TRAPPC12: variants seen among roughly 807,000 people sequenced by gnomAD.
The protein encoded by TRAPPC12 is trafficking protein particle complex subunit 12.
Under a neutral mutation model 69.2 loss-of-function variants are expected in TRAPPC12, and 61 were observed. The ratio of observed to expected loss-of-function variants is 0.88; its 90% CI spans 0.72 to 1.09. TRAPPC12 has a LOEUF of 1.09. Among genes scored for constraint, TRAPPC12 ranks in the 50% least tolerant of loss-of-function variants. The probability of loss-of-function intolerance (pLI) is 0.00; values close to 1 mark genes in which losing one functional copy is unlikely to be tolerated. For missense variants in TRAPPC12, 1,101 were observed against 1,016.4 expected (o/e 1.08, Z -1.13); for synonymous variants, 469 against 438.9 (o/e 1.07, Z -0.86).
chr2:3,395,488 G>C (rs1457161326), intron 2 of TRAPPC12, among the ~76,000 whole-genome samples: 1 of 150,284 alleles, frequency 6.7e-6, no homozygotes, highest in African/African-American at 2.4e-5. Context: ...TTGAAGGGCA[G>C]AAATTTTAAT....
At chr2:3,382,663 G>T (rs576928998) in intron 1 of TRAPPC12, among the ~76,000 whole-genome samples, 5 of 152,276 alleles carry the variant, frequency 3.3e-5, no homozygotes, top group African/African-American at 7.2e-5. Context: ...CGTGGCTCAC[G>T]CCTGTAATCT....
intron 3 of TRAPPC12, among the ~76,000 whole-genome samples, chr2:3,409,609 A>T (rs1661927542): frequency 6.6e-6 from 1 of 151,868 alleles, no homozygotes; most frequent in African/African-American, 2.4e-5. Context: ...AATTAGCCTG[A>T]TGTGGTGGCA....
intron 6 of TRAPPC12, among the ~76,000 whole-genome samples, chr2:3,451,763 G>C (rs1038352256): frequency 9.9e-5 from 15 of 152,090 alleles, no homozygotes; most frequent in African/African-American, 3.6e-4. Flanking sequence ...GACTCAAGCA[G>C]TTCTCCCACC....
chr2:3,463,594 C>G (rs1303552320), intron 8 of TRAPPC12, among the ~76,000 whole-genome samples: 1 of 150,530 alleles, frequency 6.6e-6, no homozygotes, highest in Non-Finnish European at 1.5e-5. Context: ...AAACACTGAC[C>G]CCTGGCCCTG....
chr2:3,398,326 G>T lies in TRAPPC12; in HGVS notation c.1048-3451G>T, dbSNP rs562765793. 1.3e-5 allele frequency among the ~76,000 whole-genome samples: 2 copies of T among 152,286 alleles called. 1 individual carries two copies. Among genetic ancestry groups the T allele is most frequent in the East Asian group, 3.9e-4 (2 of 5,172 alleles). ...TATTCCATGTTGACTCCCCACCAATGATGTGGTGTGTGAGGGTTCCAGTTG... is the reference window on the plus strand; with the variant it reads ...TATTCCATGTTGACTCCCCACCAATTATGTGGTGTGTGAGGGTTCCAGTTG... On this transcript the variant is annotated intron_variant, in intron 2 of 11. Coordinates refer to ENST00000324266, the MANE Select transcript of TRAPPC12 (RefSeq NM_016030.6).
chr2:3,445,463 G>A (rs944162660), intron 6 of TRAPPC12, among the ~76,000 whole-genome samples: 3 of 152,226 alleles, frequency 2.0e-5, no homozygotes, highest in African/African-American at 7.2e-5. Flanking sequence ...AGCAGGGACG[G>A]TGGAGCAGAG....
intron 2 of TRAPPC12, among the ~76,000 whole-genome samples, chr2:3,394,841 C>T (rs1056645191): frequency 1.3e-5 from 2 of 152,028 alleles, no homozygotes; most frequent in South Asian, 2.1e-4. Flanking sequence ...TGTTATAAAT[C>T]GTAGGGGAGT....
Position 3,388,133 on chromosome 2 carries a change from C to T in TRAPPC12, c.510C>T (p.Ala170=), listed in dbSNP as rs1393909339. Residue 170 remains alanine (A), a synonymous_variant, in exon 2 of 12, where the codon GCC becomes GCT. Coordinates refer to ENST00000324266, the MANE Select transcript of TRAPPC12 (RefSeq NM_016030.6). ...CTIFSQRAPP[A]SGDGFEPQMV... ...TCTTCAGCCAGCGCGCGCCCCCAGC[C>T]TCCGGGGACGGCTTCGAGCCGCAGA... The T allele has an allele frequency of 5.0e-6, 8 of 1,594,446 alleles. No individual in the cohort carries two copies. The highest frequency in any genetic ancestry group is 4.1e-5 in the African/African-American group (3 of 74,026).
chr2:3,438,723 G>GAA (rs1664030770), intron 5 of TRAPPC12, among the ~76,000 whole-genome samples: 2 of 152,080 alleles, frequency 1.3e-5, no homozygotes, highest in Non-Finnish European at 2.9e-5. Flanking sequence ...GTTCACTTAG[G>GAA]AATGTGCATT....
intron 6 of TRAPPC12, among the ~76,000 whole-genome samples, chr2:3,451,322 G>A (rs1484559646): frequency 6.6e-6 from 1 of 152,194 alleles, no homozygotes; most frequent in Non-Finnish European, 1.5e-5. Flanking sequence ...GGTGGGGCTG[G>A]CAGCAGCCCC....
In TRAPPC12 at chr2:3,383,871, G is replaced by GTTTTTTTTTTTTTT. The variant is rs34956958; in HGVS notation, c.-4-3721_-4-3708dup. On this transcript the variant is annotated intron_variant, in intron 1 of 11. Coordinates refer to ENST00000324266, the MANE Select transcript of TRAPPC12 (RefSeq NM_016030.6). Reference sequence around the variant, plus strand: ...TATTCCCTTGTGATAGTTCAGTCTTGTTTTTTTTTTTTTTTTTTTTTTTTT... The same window carrying GTTTTTTTTTTTTTT: ...TATTCCCTTGTGATAGTTCAGTCTTGTTTTTTTTTTTTTTTTTTTTTTTTTTTTTTTTTTTTTTT... Among the ~76,000 whole-genome samples, 33 of 85,584 alleles carry GTTTTTTTTTTTTTT rather than the reference G, an allele frequency of 3.9e-4. 2 individuals are homozygous for GTTTTTTTTTTTTTT. The highest frequency in any genetic ancestry group is 7.0e-4 in the Non-Finnish European group (30 of 42,902). 56.1% of individuals were successfully genotyped at this position (85,584 alleles called of 152,430 possible). A position where few individuals can be genotyped will look rare whatever the true frequency, so the allele number is the denominator to read the frequency against.
intron 3 of TRAPPC12, among the ~76,000 whole-genome samples, chr2:3,419,274 T>C (rs1662633792): frequency 6.6e-6 from 1 of 152,160 alleles, no homozygotes; most frequent in Non-Finnish European, 1.5e-5. Flanking sequence ...GATGCATATA[T>C]AGAACTGGTT....
At position 3,388,035 on chromosome 2, in the gene TRAPPC12, G is replaced by C. The variant is rs538695299; in HGVS notation, c.412G>C (p.Glu138Gln). The change falls in exon 2 of 12, where the codon GAG (glutamate) becomes CAG (glutamine). Residue 138 changes from glutamate to glutamine, a missense_variant. By Grantham distance (29) the Glu-to-Gln change is conservative (BLOSUM62 2). Coordinates refer to ENST00000324266, the MANE Select transcript of TRAPPC12 (RefSeq NM_016030.6). ...GGCCCCGAGGCAGGACGCGGCCCGC[G>C]AGGTCCCAGGCAGCGAAGCCGCGCG... ...GGAPRQDAAR[E>Q]VPGSEAARPE... 6.7e-7 allele frequency: 1 copy of C among 1,483,772 alleles called. No homozygotes were observed. Among genetic ancestry groups the C allele is most frequent in the Admixed American group, 2.3e-5 (1 of 42,948 alleles). The allele number at this position is 1,483,772 out of a possible 1,614,324, so 91.9% of individuals were successfully genotyped here. A position where few individuals can be genotyped will look rare whatever the true frequency, so the allele number is the denominator to read the frequency against.
intron 3 of TRAPPC12, among the ~76,000 whole-genome samples, chr2:3,412,101 T>C (rs1662096852): frequency 6.6e-6 from 1 of 152,252 alleles, no homozygotes; most frequent in South Asian, 2.1e-4. Context: ...GCTATGAATT[T>C]ACTGTCTGTT....
chr2:3,396,395 T>C (rs1661135575), intron 2 of TRAPPC12, among the ~76,000 whole-genome samples: 1 of 152,202 alleles, frequency 6.6e-6, no homozygotes, highest in African/African-American at 2.4e-5. Context: ...TTATCCCTGG[T>C]TTTTCAGCAG....
Position 3,388,541 on chromosome 2 carries a change from G to A in TRAPPC12, c.918G>A (p.Arg306=), listed in dbSNP as rs756028186. ...TALSMSEMDR[R]NDAWLPGEAT... ...TGAGCATGAGCGAGATGGACCGGAG[G>A]AACGACGCCTGGCTTCCCGGCGAGG... The change falls in exon 2 of 12, where the codon AGG becomes AGA. Residue 306 remains arginine, a synonymous_variant. Coordinates refer to ENST00000324266, the MANE Select transcript of TRAPPC12 (RefSeq NM_016030.6). 1 of 1,613,130 alleles carries A rather than the reference G, an allele frequency of 6.2e-7. No individual in the cohort carries two copies. Among genetic ancestry groups the A allele is most frequent in the South Asian group, 1.1e-5 (1 of 91,040 alleles).
intron 9 of TRAPPC12, among the ~76,000 whole-genome samples, chr2:3,469,302 A>G (rs978439663): frequency 1.3e-5 from 2 of 152,234 alleles, no homozygotes; most frequent in Non-Finnish European, 2.9e-5. Context: ...GAAGTATCAC[A>G]TGCACTGTCA....
chr2:3,470,550 A>G (rs756725719), intron 9 of TRAPPC12, among the ~76,000 whole-genome samples: 4 of 152,274 alleles, frequency 2.6e-5, no homozygotes, highest in Non-Finnish European at 5.9e-5. Context: ...TCGCCAAATC[A>G]GTAACACAGA....
Position 3,414,659 on chromosome 2 carries a change from C to T in TRAPPC12, c.1165-7222C>T, listed in dbSNP as rs1662245889. 6.6e-6 allele frequency among the ~76,000 whole-genome samples: 1 copy of T among 152,142 alleles called. No individual in the cohort carries two copies. The highest frequency in any genetic ancestry group is 6.5e-5 in the Admixed American group (1 of 15,276). On this transcript the variant is annotated intron_variant, in intron 3 of 11. Transcript: ENST00000324266. This position sits in a 1 kb window ranked among gnomAD's most constrained non-coding sequence, Gnocchi z 4.9. ...CAGAGCTGTGTGCCAGCAGTGTCCTCACAGAGCTGTCAAGCGTGTCCATGC... is the reference window on the plus strand; with the variant it reads ...CAGAGCTGTGTGCCAGCAGTGTCCTTACAGAGCTGTCAAGCGTGTCCATGC...
Sources: allele counts gnomAD v4.1 joint callset (sites outside exome capture counted in the v4.1 genomes callset), GRCh38; gene constraint gnomAD v4.1.1; non-coding constraint Gnocchi (gnomAD v3.1); transcripts MANE v1.5; gene names NCBI Gene and HGNC (gene_info 2026-07-23, HGNC 2026-07-21).